EYS: variants seen among roughly 807,000 people sequenced by gnomAD.
EYS encodes the protein protein eyes shut homolog.
EYS carries 250 observed loss-of-function variants against 282.1 expected under a neutral mutation model. The ratio of observed to expected loss-of-function variants is 0.89; its 90% CI spans 0.80 to 0.98. EYS has a LOEUF of 0.98. Among genes scored for constraint, EYS ranks in the 50% least tolerant of loss-of-function variants. EYS has a pLI of 0.00. For synonymous variants in EYS, 1,355 were observed against 1,282.9 expected, an observed-to-expected ratio of 1.06 and a Z score of -1.20; for missense variants, 4,016 against 3,709.0, an observed-to-expected ratio of 1.08 and a Z score of -2.15.
At chr6:65,119,736 A>G (rs915185484) in intron 12 of EYS, among the ~76,000 whole-genome samples, 6 of 150,624 alleles carry the variant, frequency 4.0e-5, no homozygotes, top group Non-Finnish European at 8.8e-5. Flanking sequence ...GCATGGTGGT[A>G]TACACCTGTG....
At chr6:65,019,717 C>T (rs754290978) in intron 13 of EYS, among the ~76,000 whole-genome samples, 1 of 152,136 alleles carries the variant, frequency 6.6e-6, no homozygotes, top group Non-Finnish European at 1.5e-5. Flanking sequence ...TTTCTAACTC[C>T]AGGTAGGCAC....
Position 64,886,838 on chromosome 6 carries a change from A to C in EYS, c.2851T>G (p.Phe951Val), listed in dbSNP as rs947716543. 1.3e-6 allele frequency: 2 copies of C among 1,518,896 alleles called. No individual in the cohort carries two copies. Among genetic ancestry groups the C allele is most frequent in the Middle Eastern group, 1.7e-4 (1 of 5,920 alleles). 94.1% of individuals were successfully genotyped at this position (1,518,896 alleles called of 1,614,324 possible). A position where few individuals can be genotyped will look rare whatever the true frequency, so the allele number is the denominator to read the frequency against. Residue 951 changes from phenylalanine (F) to valine (V), a missense_variant, in exon 19 of 43, where the codon TTT becomes GTT. Physicochemically the swap from Phe to Val is conservative, Grantham distance 50 (BLOSUM62 -1). Coordinates refer to ENST00000503581, the MANE Select transcript of EYS (RefSeq NM_001142800.2). Reference sequence around the variant, plus strand: ...TGGTACTCAGGTTCACAATTACAAAAAAATCTGGAGAAAAGTGGAGAAATG... The same window carrying C: ...TGGTACTCAGGTTCACAATTACAAACAAATCTGGAGAAAAGTGGAGAAATG... ...GTCVDLTNRF[F>V]CNCEPEYHGP... is the part of the protein sequence containing the mutation.
chr6:64,267,386 C>T (rs991988094), intron 30 of EYS, among the ~76,000 whole-genome samples: 4 of 152,026 alleles, frequency 2.6e-5, no homozygotes, highest in Admixed American at 6.6e-5. Context: ...ACTAACTCTC[C>T]CACCCATACT....
chr6:64,490,729 T>A (rs1481046223), intron 26 of EYS, among the ~76,000 whole-genome samples: 1 of 150,836 alleles, frequency 6.6e-6, no homozygotes, highest in East Asian at 1.9e-4. Flanking sequence ...AAGGAACTTT[T>A]TAAATTTTTT....
chr6:64,561,436 C>G (rs1192942363), intron 26 of EYS, among the ~76,000 whole-genome samples: 1 of 151,982 alleles, frequency 6.6e-6, no homozygotes. Context: ...CCATAGTCTC[C>G]ACCCAAAAGC....
At chr6:65,648,947 C>A (rs1159932181) in intron 1 of EYS, among the ~76,000 whole-genome samples, 1 of 151,462 alleles carries the variant, frequency 6.6e-6, no homozygotes, top group African/African-American at 2.4e-5. Context: ...GAGATAGAGA[C>A]CATCCTGGCT....
At chr6:63,803,972 T>G (rs1770841042) in intron 37 of EYS, among the ~76,000 whole-genome samples, 1 of 152,138 alleles carries the variant, frequency 6.6e-6, no homozygotes, top group Non-Finnish European at 1.5e-5. Flanking sequence ...AAGGCCCTTT[T>G]GAGAAAAGAT....
chr6:64,263,689 G>A (rs903138313), intron 30 of EYS, among the ~76,000 whole-genome samples: 2 of 152,064 alleles, frequency 1.3e-5, no homozygotes, highest in Non-Finnish European at 2.9e-5. Flanking sequence ...AGGATATGGC[G>A]ATTTCTCTTG....
intron 1 of EYS, among the ~76,000 whole-genome samples, chr6:65,687,724 T>A (rs1769077286): frequency 6.6e-6 from 1 of 152,156 alleles, no homozygotes; most frequent in South Asian, 2.1e-4. Context: ...GATAGGCAAC[T>A]TCAGCAAAGT....
intron 8 of EYS, among the ~76,000 whole-genome samples, chr6:65,372,478 A>G (rs1481453503): frequency 1.3e-5 from 2 of 152,116 alleles, no homozygotes; most frequent in Admixed American, 6.6e-5. Context: ...TACAATTATA[A>G]TGTGCATAAT....
chr6:65,547,567 G>C (rs1178433829), intron 2 of EYS, among the ~76,000 whole-genome samples: 3 of 152,008 alleles, frequency 2.0e-5, no homozygotes, highest in African/African-American at 7.3e-5. Context: ...TATAGTGTCT[G>C]TATTGTATTG....
At chr6:64,646,883 C>T (rs1768373989) in intron 22 of EYS, among the ~76,000 whole-genome samples, 1 of 151,362 alleles carries the variant, frequency 6.6e-6, no homozygotes, top group Admixed American at 6.6e-5. Context: ...ATACTATTAA[C>T]ATGGGATGAG....
intron 31 of EYS, among the ~76,000 whole-genome samples, chr6:64,159,444 C>T (rs1775032804): frequency 6.6e-6 from 1 of 151,454 alleles, no homozygotes; most frequent in Non-Finnish European, 1.5e-5. Context: ...CCTGTAGTCC[C>T]AGCTACTCAG....
At chr6:64,935,361 T>G (rs1188050213) in intron 15 of EYS, among the ~76,000 whole-genome samples, 2 of 151,758 alleles carry the variant, frequency 1.3e-5, no homozygotes, top group African/African-American at 4.8e-5. Context: ...AATGGCAGAA[T>G]GTGCTTAATG....
chr6:64,603,861 CTGTGTGTGTG>C (rs34430318), intron 24 of EYS, among the ~76,000 whole-genome samples: 4 of 148,184 alleles, frequency 2.7e-5, no homozygotes, highest in Non-Finnish European at 4.5e-5. Flanking sequence ...AAATGAATAC[CTGTGTGTGTG>C]TGTGTGTGTG....
chr6:64,755,497 T>TACAC (rs56705165), intron 22 of EYS, among the ~76,000 whole-genome samples: 1,716 of 138,908 alleles, frequency 0.012, 39 homozygotes, highest in African/African-American at 0.041. Context: ...AGAACATACA[T>TACAC]ACACACACAC....
At chr6:64,044,381 C>T (rs765955471) in intron 33 of EYS, among the ~76,000 whole-genome samples, 1 of 152,138 alleles carries the variant, frequency 6.6e-6, no homozygotes, top group Non-Finnish European at 1.5e-5. Context: ...TCAGTATTAC[C>T]TCAAGATGAT....
At chr6:64,961,235 T>C (rs1213965806) in intron 14 of EYS, among the ~76,000 whole-genome samples, 1 of 152,206 alleles carries the variant, frequency 6.6e-6, no homozygotes, top group Non-Finnish European at 1.5e-5. Flanking sequence ...TCACACTGTC[T>C]TCCACAGTGG....
intron 12 of EYS, among the ~76,000 whole-genome samples, chr6:65,112,275 A>G (rs1581919834): frequency 6.6e-6 from 1 of 152,170 alleles, no homozygotes; most frequent in Non-Finnish European, 1.5e-5. Flanking sequence ...TAGATTTTCA[A>G]AGCTGCTTAA....
Sources: allele counts gnomAD v4.1 joint callset (sites outside exome capture counted in the v4.1 genomes callset), GRCh38; gene constraint gnomAD v4.1.1; transcripts MANE v1.5; gene names NCBI Gene and HGNC (gene_info 2026-07-23, HGNC 2026-07-21).